DIXDC1: variants seen among roughly 807,000 people sequenced by gnomAD.
DIXDC1 encodes dixin.
Under a neutral mutation model 103.1 loss-of-function variants are expected in DIXDC1, and 64 were observed. The observed-to-expected ratio is 0.62, with a 90% confidence interval of 0.51 to 0.76. DIXDC1 has a LOEUF of 0.76. Ranked by LOEUF, DIXDC1 falls within the 30% of genes least tolerant of loss-of-function variation. The probability of loss-of-function intolerance (pLI) is 0.00; values close to 1 mark genes in which losing one functional copy is unlikely to be tolerated. For synonymous variants in DIXDC1, 266 were observed against 298.5 expected (o/e 0.89, Z 1.12); for missense variants, 759 against 834.2 (o/e 0.91, Z 1.11).
At chr11:111,982,270 C>G (rs1860332506) in intron 6 of DIXDC1, 69 bp from the exon 7 acceptor site, 2 of 1,547,814 alleles carry the variant, frequency 1.3e-6, no homozygotes, top group Non-Finnish European at 8.8e-7. Context: ...GAACGCTACC[C>G]TGTGAACGCT....
At position 112,020,975 on chromosome 11, in the gene DIXDC1, A is replaced by G. The variant is rs1251862673; in HGVS notation, c.*1939A>G. On this transcript the variant is annotated 3_prime_UTR_variant, in exon 20 of 20. Coordinates refer to ENST00000440460, the MANE Select transcript of DIXDC1 (RefSeq NM_001037954.4). ...ATGTCACCAATTTCTCTGTTGCATG[A>G]ATTTTAGTGTTTTGCTATAAGACAG... The G allele has an allele frequency of 6.6e-6, 1 of 152,236 alleles. No homozygotes were observed. The highest frequency in any genetic ancestry group is 1.9e-4 in the East Asian group (1 of 5,204). 9.4% of individuals were successfully genotyped at this position (152,236 alleles called of 1,614,324 possible).
intron 2 of DIXDC1, 126 bp from the exon 3 acceptor site, chr11:111,968,387 C>A: frequency 3.0e-6 from 3 of 1,009,774 alleles, no homozygotes; most frequent in East Asian, 2.7e-5. Context: ...CAGGACTTAA[C>A]TCATTTATAT....
chr11:111,939,164 C>A (rs1332831424), intron 1 of DIXDC1, among the ~76,000 whole-genome samples: 1 of 152,222 alleles, frequency 6.6e-6, no homozygotes, highest in East Asian at 1.9e-4. Flanking sequence ...TCTTGATGGT[C>A]CCACTGTCTG....
intron 19 of DIXDC1, 105 bp from the exon 20 acceptor site, chr11:112,018,851 C>A: frequency 2.1e-6 from 2 of 937,568 alleles, no homozygotes; most frequent in Non-Finnish European, 1.6e-6. Context: ...ACTCTTAACT[C>A]AAGGCTTTCT....
At position 111,977,469 on chromosome 11, in the gene DIXDC1, C is replaced by T; in HGVS notation, c.656+2486C>T. 1 of 1,296,576 alleles carries T rather than the reference C, an allele frequency of 7.7e-7. No homozygotes were observed. Among genetic ancestry groups the T allele is most frequent in the South Asian group, 1.7e-5 (1 of 57,984 alleles). 80.3% of individuals were successfully genotyped at this position (1,296,576 alleles called of 1,614,324 possible). A position where few individuals can be genotyped will look rare whatever the true frequency, so the allele number is the denominator to read the frequency against. On this transcript the variant is annotated intron_variant, in intron 5 of 19. Transcript: ENST00000440460. The surrounding 1 kb of genome is among the most constrained non-coding windows in gnomAD (Gnocchi z 6.1). ...GAGGCCAAGATGCAGCGGCCAGGGG[C>T]CGGCAGCCTGCGAGGGGAGGCAGCT...
At chr11:112,011,280 C>T (rs1399338777) in intron 17 of DIXDC1, among the ~76,000 whole-genome samples, 25 of 152,172 alleles carry the variant, frequency 1.6e-4, no homozygotes, top group African/African-American at 5.3e-4. Context: ...GTTAGAGTGG[C>T]GATCATTAAA....
chr11:111,963,208 C>T (rs587715618), intron 1 of DIXDC1, among the ~76,000 whole-genome samples: 24 of 152,292 alleles, frequency 1.6e-4, no homozygotes, highest in Middle Eastern at 3.4e-3. Context: ...ATTTAGTAAG[C>T]GTCAATTTTA....
chr11:112,016,102 G>T (rs187712773), intron 17 of DIXDC1: 2 of 150,054 alleles, frequency 1.3e-5, no homozygotes, highest in Non-Finnish European at 3.0e-5. Context: ...GAGCCACCGC[G>T]CCCGGCGAGA....
rs1205352675 is a variant in DIXDC1, at chr11:112,020,336, C to G, written c.*1300C>G. ...TACACTGCCAAACACAAGAGTAGGA[C>G]ACATCTGTTCTGGGTTCTTGACCTA... On this transcript the variant is annotated 3_prime_UTR_variant, in exon 20 of 20. Transcript: ENST00000440460. 3.3e-5 allele frequency: 5 copies of G among 152,664 alleles called. No homozygotes were observed. The highest frequency in any genetic ancestry group is 1.2e-4 in the African/African-American group (5 of 41,462). 9.5% of individuals were successfully genotyped at this position (152,664 alleles called of 1,614,324 possible).
chr11:111,982,888 C>T (rs781946044), intron 7 of DIXDC1, among the ~76,000 whole-genome samples: 1 of 152,174 alleles, frequency 6.6e-6, no homozygotes, highest in Non-Finnish European at 1.5e-5. Flanking sequence ...GTGTAAGAGC[C>T]AGTAATGCTG....
chr11:111,934,784 T>G (rs907663381), upstream of DIXDC1, among the ~76,000 whole-genome samples: 1 of 152,168 alleles, frequency 6.6e-6, no homozygotes, highest in Non-Finnish European at 1.5e-5. Flanking sequence ...TGACAGGAAT[T>G]TTGTGCTTTT....
chr11:111,932,722 CCTT>C (rs1966070462), upstream of DIXDC1, among the ~76,000 whole-genome samples: 1 of 152,284 alleles, frequency 6.6e-6, no homozygotes, highest in South Asian at 2.1e-4. Flanking sequence ...TGTCTTTCTC[CCTT>C]CTTCTGCCCA....
At chr11:112,001,711 A>C (rs1555176020) in intron 17 of DIXDC1, among the ~76,000 whole-genome samples, 1 of 151,820 alleles carries the variant, frequency 6.6e-6, no homozygotes, top group Non-Finnish European at 1.5e-5. Flanking sequence ...AGACCCTGGG[A>C]GGAAGATGGG....
At chr11:112,005,283 G>C (rs1312922115) in intron 17 of DIXDC1, among the ~76,000 whole-genome samples, 11 of 152,124 alleles carry the variant, frequency 7.2e-5, no homozygotes, top group Admixed American at 7.2e-4. Context: ...ATCTGATAAA[G>C]TATACTTGAG....
intron 1 of DIXDC1, among the ~76,000 whole-genome samples, chr11:111,953,120 A>ATT (rs1966845732): frequency 6.6e-6 from 1 of 152,242 alleles, no homozygotes; most frequent in Non-Finnish European, 1.5e-5. Context: ...TATCAATACT[A>ATT]TCAGGTTTTT....
chr11:111,939,711 C>T (rs1966354688), intron 1 of DIXDC1, among the ~76,000 whole-genome samples: 1 of 152,116 alleles, frequency 6.6e-6, no homozygotes, highest in South Asian at 2.1e-4. Context: ...ATTTTACATA[C>T]AATATTACAT....
chr11:111,957,983 C>T (rs587758387), intron 1 of DIXDC1, among the ~76,000 whole-genome samples: 1 of 152,344 alleles, frequency 6.6e-6, no homozygotes, highest in South Asian at 2.1e-4. Context: ...AGCCTGCCCC[C>T]TCTGAGTTGG....
At chr11:111,967,223 T>C (rs1859767599) in intron 2 of DIXDC1, among the ~76,000 whole-genome samples, 1 of 152,212 alleles carries the variant, frequency 6.6e-6, no homozygotes, top group African/African-American at 2.4e-5. Flanking sequence ...ACATCTCTAC[T>C]TGGATGTCTA....
At chr11:111,929,209 C>T (rs1051291595) in intron 1 of DIXDC1, among the ~76,000 whole-genome samples, 1 of 152,116 alleles carries the variant, frequency 6.6e-6, no homozygotes, top group African/African-American at 2.4e-5. Context: ...CACATGTTGC[C>T]TCTCTGGGTT....
Sources: gnomAD v4.1 joint callset for allele counts (sites outside exome capture counted in the v4.1 genomes callset) on GRCh38, gnomAD v4.1.1 for gene constraint, Gnocchi (gnomAD v3.1) non-coding constraint, MANE v1.5 for transcripts, NCBI Gene and HGNC (gene_info 2026-07-23, HGNC 2026-07-21) for gene names.